TCF7L1: variants seen among roughly 807,000 people sequenced by gnomAD.
The protein encoded by TCF7L1 is transcription factor 7 like 1.
A neutral mutation model predicts 63.7 loss-of-function variants in TCF7L1; 18 were observed. The observed-to-expected ratio is 0.28, with a 90% confidence interval of 0.20 to 0.42. The LOEUF is 0.42. Ranked by LOEUF, TCF7L1 falls within the 10% of genes least tolerant of loss-of-function variation. The pLI, the probability that TCF7L1 is intolerant of heterozygous loss-of-function variation, is 1.00. For missense variants in TCF7L1, 654 were observed against 779.3 expected (o/e 0.84, Z 1.91); for synonymous variants, 355 against 340.9 (o/e 1.04, Z -0.46).
At chr2:85,194,851 G>A (rs1203137161) in intron 3 of TCF7L1, among the ~76,000 whole-genome samples, 4 of 152,178 alleles carry the variant, frequency 2.6e-5, no homozygotes, top group Admixed American at 6.5e-5. Context: ...CTTTTAGTTC[G>A]CAGGCACACT....
chr2:85,150,591 T>C (rs566261267), intron 3 of TCF7L1, among the ~76,000 whole-genome samples: 1 of 152,178 alleles, frequency 6.6e-6, no homozygotes, highest in Non-Finnish European at 1.5e-5. Flanking sequence ...CTTGACTTTT[T>C]TTTTTTTTTC....
At chr2:85,244,436 G>A (rs916510461) in intron 3 of TCF7L1, among the ~76,000 whole-genome samples, 8 of 152,194 alleles carry the variant, frequency 5.3e-5, no homozygotes, top group African/African-American at 1.9e-4. Context: ...TAGAAATGGG[G>A]AAAGTTCTCA....
intron 3 of TCF7L1, among the ~76,000 whole-genome samples, chr2:85,200,919 G>A (rs946701940): frequency 6.6e-6 from 1 of 152,168 alleles, no homozygotes; most frequent in African/African-American, 2.4e-5. Flanking sequence ...TTACAATAGT[G>A]GCCAGGCACG....
rs13033165 is a variant in TCF7L1, at chr2:85,302,942, T to C, written c.658+326T>C. Among the ~76,000 whole-genome samples, 114,216 of 152,232 alleles carry C rather than the reference T, an allele frequency of 0.75. 44,247 individuals carry two copies. The highest frequency in any genetic ancestry group is 0.94 in the East Asian group (4,873 of 5,184). Reference sequence around the variant, plus strand: ...GGCCGTGCTTCCCTACACCAAGACATGTTTGCCCTAAACTGAACATTTTTA... The same window carrying C: ...GGCCGTGCTTCCCTACACCAAGACACGTTTGCCCTAAACTGAACATTTTTA... On this transcript the variant is annotated intron_variant, in intron 5 of 11. Coordinates refer to ENST00000282111, the MANE Select transcript of TCF7L1 (RefSeq NM_031283.3).
chr2:85,299,251 T>C (rs1406342176), intron 4 of TCF7L1, among the ~76,000 whole-genome samples: 1 of 151,932 alleles, frequency 6.6e-6, no homozygotes, highest in Non-Finnish European at 1.5e-5. Flanking sequence ...TAAATGTAAA[T>C]TTAAAACTGA....
At chr2:85,191,023 C>A (rs1679030516) in intron 3 of TCF7L1, among the ~76,000 whole-genome samples, 1 of 150,232 alleles carries the variant, frequency 6.7e-6, no homozygotes, top group African/African-American at 2.4e-5. Flanking sequence ...TATAATTTCT[C>A]CTTCAATTTT....
At chr2:85,271,674 A>G (rs1285025120) in intron 3 of TCF7L1, among the ~76,000 whole-genome samples, 1 of 152,142 alleles carries the variant, frequency 6.6e-6, no homozygotes, top group African/African-American at 2.4e-5. Flanking sequence ...ATGTACTTTA[A>G]AAATCTCTCC....
intron 3 of TCF7L1, among the ~76,000 whole-genome samples, chr2:85,142,649 G>A (rs1677773466): frequency 6.6e-6 from 1 of 152,064 alleles, no homozygotes; most frequent in South Asian, 2.1e-4. Context: ...TATTTTTGGA[G>A]GAGGTTTTTA....
intron 4 of TCF7L1, among the ~76,000 whole-genome samples, chr2:85,287,037 C>A (rs1212303012): frequency 3.3e-5 from 5 of 152,190 alleles, no homozygotes; most frequent in Non-Finnish European, 5.9e-5. Flanking sequence ...CTGTGTTCAG[C>A]CTTCCTGTTC....
At position 85,134,090 on chromosome 2, in the gene TCF7L1, G is replaced by T. The variant is rs1372626145; in HGVS notation, c.313+11G>T. 1.9e-6 allele frequency: 3 copies of T among 1,608,196 alleles called. No homozygotes were observed. Among genetic ancestry groups the T allele is most frequent in the African/African-American group, 1.3e-5 (1 of 74,362 alleles). On this transcript the variant is annotated intron_variant, in intron 2 of 11. Transcript: ENST00000282111. This position sits in a 1 kb window ranked among gnomAD's most constrained non-coding sequence, Gnocchi z 5.0. Reference sequence around the variant, plus strand: ...ACTATTTCGCCGAAGGTATGTGCCCGCTGGGACAGCCCCCCACTCTCGATT... The same window carrying T: ...ACTATTTCGCCGAAGGTATGTGCCCTCTGGGACAGCCCCCCACTCTCGATT...
At chr2:85,245,805 A>C in intron 3 of TCF7L1, among the ~76,000 whole-genome samples, 1 of 148,798 alleles carries the variant, frequency 6.7e-6, no homozygotes, top group African/African-American at 2.5e-5. Flanking sequence ...ACAGAGCGAG[A>C]CTCCATCTCA....
intron 3 of TCF7L1, among the ~76,000 whole-genome samples, chr2:85,182,993 C>A (rs1215874594): frequency 6.6e-6 from 1 of 152,172 alleles, no homozygotes; most frequent in Non-Finnish European, 1.5e-5. Context: ...TCTAGGGCTT[C>A]GTGGTTCCTC....
chr2:85,145,953 C>T (rs1466507665), intron 3 of TCF7L1, among the ~76,000 whole-genome samples: 8 of 152,046 alleles, frequency 5.3e-5, no homozygotes. Flanking sequence ...TCAAGTGATC[C>T]TTCCACCTCG....
In TCF7L1 at chr2:85,185,468, G is replaced by A. The variant is rs555105645; in HGVS notation, c.441+51018G>A. 1.3e-4 allele frequency among the ~76,000 whole-genome samples: 20 copies of A among 152,222 alleles called. No homozygotes were observed. In the South Asian group the frequency reaches 4.2e-3, roughly 32 times the overall value. On this transcript the variant is annotated intron_variant, in intron 3 of 11. Transcript: ENST00000282111. ...GGAAATGGGAGGCACAGAGAAGAGA[G>A]AGGTTAAATGAGCTGTCTGGGGTCA...
intron 3 of TCF7L1, among the ~76,000 whole-genome samples, chr2:85,272,517 G>A (rs1258017832): frequency 6.6e-6 from 1 of 152,110 alleles, no homozygotes; most frequent in Non-Finnish European, 1.5e-5. Context: ...GGATGACCGG[G>A]CGTGGTAGCT....
At chr2:85,213,310 A>T (rs1429359892) in intron 3 of TCF7L1, among the ~76,000 whole-genome samples, 2 of 152,210 alleles carry the variant, frequency 1.3e-5, no homozygotes, top group African/African-American at 4.8e-5. Context: ...AGTGGTTCTT[A>T]TTATAGGTAA....
At chr2:85,228,600 G>A (rs1444472437) in intron 3 of TCF7L1, among the ~76,000 whole-genome samples, 2 of 152,230 alleles carry the variant, frequency 1.3e-5, no homozygotes, top group South Asian at 2.1e-4. Context: ...CTGACTTGGG[G>A]TTCCCAAGGA....
intron 4 of TCF7L1, among the ~76,000 whole-genome samples, chr2:85,296,547 A>C (rs1681842941): frequency 6.6e-6 from 1 of 152,154 alleles, no homozygotes; most frequent in Non-Finnish European, 1.5e-5. Context: ...TTCCCTTTGT[A>C]ATTAATAAGT....
At chr2:85,276,053 A>G (rs897461014) in intron 3 of TCF7L1, among the ~76,000 whole-genome samples, 2 of 152,244 alleles carry the variant, frequency 1.3e-5, no homozygotes, top group African/African-American at 4.8e-5. Context: ...GAAAGAAGGG[A>G]TAAGAGTGTA....
Sources: gnomAD v4.1 joint callset for allele counts (sites outside exome capture counted in the v4.1 genomes callset) on GRCh38, gnomAD v4.1.1 for gene constraint, Gnocchi (gnomAD v3.1) non-coding constraint, MANE v1.5 for transcripts, NCBI Gene and HGNC (gene_info 2026-07-23, HGNC 2026-07-21) for gene names.